The following MYRIP variants were observed in gnomAD, a reference collection of about 807,000 sequenced individuals.
MYRIP encodes rab effector MyRIP.
Under a neutral mutation model 98.0 loss-of-function variants are expected in MYRIP, and 49 were observed. The ratio of observed to expected loss-of-function variants is 0.50; its 90% CI spans 0.40 to 0.63. MYRIP has a LOEUF of 0.63. Among genes scored for constraint, MYRIP ranks in the 30% least tolerant of loss-of-function variants. The pLI, the probability that MYRIP is intolerant of heterozygous loss-of-function variation, is 0.00. For missense variants in MYRIP, 1,004 were observed against 1,058.2 expected (o/e 0.95, Z 0.71); for synonymous variants, 404 against 409.5 (o/e 0.99, Z 0.16).
chr3:39,926,128 T>A (rs1037158691), intron 2 of MYRIP, among the ~76,000 whole-genome samples: 29 of 152,172 alleles, frequency 1.9e-4, no homozygotes, highest in Non-Finnish European at 3.5e-4. Flanking sequence ...TGCTTGTATG[T>A]CGTCTTTTGA....
Position 40,052,455 on chromosome 3 carries a change from A to T in MYRIP, c.332+8184A>T, listed in dbSNP as rs143224920. Reference sequence around the variant, plus strand: ...TAAACAATTATCACCGTGGGCTAAGAATATGCACAAGTTAACAAATATATG... The same window carrying T: ...TAAACAATTATCACCGTGGGCTAAGTATATGCACAAGTTAACAAATATATG... On this transcript the variant is annotated intron_variant, in intron 3 of 16. Coordinates refer to ENST00000302541, the MANE Select transcript of MYRIP (RefSeq NM_015460.4). 8.0e-4 allele frequency among the ~76,000 whole-genome samples: 122 copies of T among 152,312 alleles called. 2 individuals carry two copies. The East Asian group carries it at 0.018, about 23-fold the overall frequency.
chr3:39,913,367 AG>A (rs1944073414), intron 2 of MYRIP, among the ~76,000 whole-genome samples: 1 of 152,190 alleles, frequency 6.6e-6, no homozygotes, highest in African/African-American at 2.4e-5. Context: ...AAAACACATT[AG>A]TTTTGTCACA....
rs151320297 is a variant in MYRIP, at chr3:40,100,378, G to C, written c.333-50670G>C. The stretch of plus-strand genomic sequence containing the variant: ...CATTGATGTTTTGCAACAGAACTAT[G>C]TCAATTTTGTCCTATTTTGTACATT... On this transcript the variant is annotated intron_variant, in intron 3 of 16. Coordinates refer to ENST00000302541, the MANE Select transcript of MYRIP (RefSeq NM_015460.4). The C allele has an allele frequency of 7.3e-5, 50 of 685,748 alleles. No individual in the cohort carries two copies. The African/African-American group carries it at 9.6e-4, about 13-fold the overall frequency. 42.5% of individuals were successfully genotyped at this position (685,748 alleles called of 1,614,324 possible).
intron 2 of MYRIP, among the ~76,000 whole-genome samples, chr3:40,023,589 T>C (rs1049946715): frequency 6.6e-6 from 1 of 152,140 alleles, no homozygotes; most frequent in Non-Finnish European, 1.5e-5. Flanking sequence ...CACAGTCTCC[T>C]GCCTCTGCTG....
chr3:39,991,221 T>C (rs956240335), intron 2 of MYRIP, among the ~76,000 whole-genome samples: 4 of 152,240 alleles, frequency 2.6e-5, no homozygotes, highest in African/African-American at 9.6e-5. Flanking sequence ...GATAAGCTTC[T>C]AGTGTCCTCC....
intron 2 of MYRIP, among the ~76,000 whole-genome samples, chr3:39,950,874 G>A (rs568673941): frequency 2.5e-4 from 38 of 152,162 alleles, no homozygotes; most frequent in Non-Finnish European, 5.4e-4. Context: ...TAAAATAAGT[G>A]AGAGCAGTGG....
chr3:40,132,066 T>A (rs1949655909), intron 3 of MYRIP, among the ~76,000 whole-genome samples: 1 of 152,178 alleles, frequency 6.6e-6, no homozygotes, highest in African/African-American at 2.4e-5. Context: ...TATCATTTTT[T>A]AAGAAATCAA....
At chr3:40,248,375 T>A (rs1204439507) in intron 13 of MYRIP, 3 of 152,226 alleles carry the variant, frequency 2.0e-5, no homozygotes, top group Non-Finnish European at 4.4e-5. Context: ...GTCTTCGATC[T>A]TGTGGACATG....
rs944200681 is a variant in MYRIP at position 39,839,672 on chromosome 3, G to A, written c.-31+29756G>A. Among the ~76,000 whole-genome samples the A allele has an allele frequency of 5.4e-4, 82 of 152,046 alleles. 2 individuals are homozygous for A. The highest frequency in any genetic ancestry group is 5.9e-5 in the Non-Finnish European group (4 of 68,008). ...GGTTTAGCTGTGTCCCAGAGTTTCCGGTACATTGTGTCTTTGTTCTCATTG... is the reference window on the plus strand; with the variant it reads ...GGTTTAGCTGTGTCCCAGAGTTTCCAGTACATTGTGTCTTTGTTCTCATTG... On this transcript the variant is annotated intron_variant, in intron 1 of 16. Coordinates refer to ENST00000302541, the MANE Select transcript of MYRIP (RefSeq NM_015460.4).
chr3:39,964,216 T>G (rs979620064), intron 2 of MYRIP, among the ~76,000 whole-genome samples: 1 of 152,140 alleles, frequency 6.6e-6, no homozygotes, highest in Admixed American at 6.6e-5. Flanking sequence ...TGGATTCTAT[T>G]TTGTTTCAAT....
intron 1 of MYRIP, among the ~76,000 whole-genome samples, chr3:39,839,830 G>A (rs2089978165): frequency 1.3e-5 from 2 of 152,118 alleles, no homozygotes; most frequent in Non-Finnish European, 2.9e-5. Context: ...TTGCACTGTG[G>A]TCTGAGAGAC....
At position 39,954,813 on chromosome 3, in the gene MYRIP, A is replaced by T. The variant is rs147278707; in HGVS notation, c.110+53887A>T. Among the ~76,000 whole-genome samples the T allele has an allele frequency of 3.3e-5, 5 of 152,308 alleles. No homozygotes were observed. The East Asian group carries it at 9.6e-4, about 29-fold the overall frequency. On this transcript the variant is annotated intron_variant, in intron 2 of 16. Coordinates refer to ENST00000302541, the MANE Select transcript of MYRIP (RefSeq NM_015460.4). ...CAAATGGCTAACTAGAATACACAGC[A>T]TGGAGAAAACCTTAAATGACCTGAT...
At chr3:39,874,351 G>A (rs970685948) in intron 1 of MYRIP, among the ~76,000 whole-genome samples, 54 of 151,432 alleles carry the variant, frequency 3.6e-4, no homozygotes, top group Admixed American at 1.2e-3. Flanking sequence ...CTGCCTAATT[G>A]CCTGGGCCAG....
intron 3 of MYRIP, among the ~76,000 whole-genome samples, chr3:40,128,481 T>A (rs951167896): frequency 6.6e-6 from 1 of 152,158 alleles, no homozygotes. Flanking sequence ...CTTAATGACC[T>A]CCACCTTGCA....
chr3:40,139,850 G>A (rs986444802), intron 3 of MYRIP, among the ~76,000 whole-genome samples: 3 of 152,170 alleles, frequency 2.0e-5, no homozygotes, highest in African/African-American at 7.2e-5. Flanking sequence ...AAAGTGCTGG[G>A]ATTACAGATG....
rs1383266242 is a variant in MYRIP, at chr3:40,036,319, A to AAC, written c.111-7730_111-7729insCA. 1.4e-5 allele frequency among the ~76,000 whole-genome samples: 2 copies of AAC among 139,600 alleles called. 1 individual carries two copies. Among genetic ancestry groups the AAC allele is most frequent in the Non-Finnish European group, 3.1e-5 (2 of 64,266 alleles). The allele number at this position is 139,600 out of a possible 152,430, so 91.6% of individuals were successfully genotyped here. Reference sequence around the variant, plus strand: ...ACTGATACCAAAAAAAAAAAAAAAAAAAAAACTTTATTCAAAATGAGCTGT... The same window carrying AAC: ...ACTGATACCAAAAAAAAAAAAAAAAAACAAAAACTTTATTCAAAATGAGCTGT... On this transcript the variant is annotated intron_variant, in intron 2 of 16. Coordinates refer to ENST00000302541, the MANE Select transcript of MYRIP (RefSeq NM_015460.4).
At chr3:40,222,296 C>T (rs1219856584) in intron 11 of MYRIP, among the ~76,000 whole-genome samples, 6 of 152,102 alleles carry the variant, frequency 3.9e-5, no homozygotes, top group Non-Finnish European at 8.8e-5. Context: ...GGCAACTTGT[C>T]AGATTGTTGC....
intron 1 of MYRIP, among the ~76,000 whole-genome samples, chr3:39,876,010 T>C (rs1942982173): frequency 6.6e-6 from 1 of 152,130 alleles, no homozygotes; most frequent in Non-Finnish European, 1.5e-5. Flanking sequence ...ACTTGCTTTA[T>C]GAATCTGGGT....
chr3:39,998,838 C>T (rs1946439434), intron 2 of MYRIP, among the ~76,000 whole-genome samples: 1 of 152,128 alleles, frequency 6.6e-6, no homozygotes, highest in South Asian at 2.1e-4. Context: ...AGATATAGAC[C>T]AATGGAACAC....
Sources: gnomAD v4.1 joint callset for allele counts (sites outside exome capture counted in the v4.1 genomes callset) on GRCh38, gnomAD v4.1.1 for gene constraint, MANE v1.5 for transcripts, NCBI Gene and HGNC (gene_info 2026-07-23, HGNC 2026-07-21) for gene names.